Variants in PSMA1 observed in about 807,000 individuals in gnomAD.
The protein encoded by PSMA1 is proteasome 20S subunit alpha 1.
PSMA1 carries 3 observed loss-of-function variants against 38.4 expected under a neutral mutation model. That is an observed-to-expected ratio of 0.08 (90% confidence interval 0.04 to 0.20). PSMA1 has a LOEUF of 0.20. Among genes scored for constraint, PSMA1 ranks in the 10% least tolerant of loss-of-function variants. The pLI, the probability that PSMA1 is intolerant of heterozygous loss-of-function variation, is 1.00. For missense variants in PSMA1, 227 were observed against 325.3 expected (o/e 0.70, Z 2.32); for synonymous variants, 101 against 107.1 (o/e 0.94, Z 0.35).
chr11:14,587,468 C>T (rs1203057872), intron 2 of PSMA1, among the ~76,000 whole-genome samples: 1 of 152,202 alleles, frequency 6.6e-6, no homozygotes, highest in Non-Finnish European at 1.5e-5. Flanking sequence ...AGAATAACTT[C>T]CCAATTTTGC....
intron 2 of PSMA1, among the ~76,000 whole-genome samples, chr11:14,580,799 A>G (rs548135493): frequency 8.9e-4 from 136 of 152,220 alleles, no homozygotes; most frequent in African/African-American, 3.2e-3. Context: ...AAGAAGAGGG[A>G]ATTGTAGGAA....
chr11:14,547,050 C>G (rs1336734893), intron 2 of PSMA1, among the ~76,000 whole-genome samples: 1 of 152,108 alleles, frequency 6.6e-6, no homozygotes, highest in Non-Finnish European at 1.5e-5. Flanking sequence ...GAAATGACAA[C>G]AAATATCAGA....
chr11:14,633,092 A>G (rs866551698), intron 1 of PSMA1, among the ~76,000 whole-genome samples: 2,571 of 141,404 alleles, frequency 0.018, 47 homozygotes, highest in African/African-American at 0.063. Flanking sequence ...ATGTCCTCCC[A>G]TAGCTCAGAG....
intron 2 of PSMA1, among the ~76,000 whole-genome samples, chr11:14,591,224 G>A (rs577772873): frequency 2.0e-5 from 3 of 152,360 alleles, no homozygotes; most frequent in South Asian, 4.1e-4. Flanking sequence ...TGCAGAGGGT[G>A]TACTCTGGGT....
intron 2 of PSMA1, among the ~76,000 whole-genome samples, chr11:14,549,076 T>C (rs1477990537): frequency 6.6e-6 from 1 of 152,106 alleles, no homozygotes; most frequent in African/African-American, 2.4e-5. Flanking sequence ...TCTTTTCAGG[T>C]AGACTCATGA....
chr11:14,546,177 T>C (rs1474778800), intron 2 of PSMA1, among the ~76,000 whole-genome samples: 1 of 151,336 alleles, frequency 6.6e-6, no homozygotes, highest in Non-Finnish European at 1.5e-5. Flanking sequence ...TAAAGGGGAT[T>C]AGGTGGAAGA....
chr11:14,571,470 T>C (rs1257182433), intron 2 of PSMA1, among the ~76,000 whole-genome samples: 2 of 151,904 alleles, frequency 1.3e-5, no homozygotes, highest in African/African-American at 4.8e-5. Flanking sequence ...TGCAGAGAGA[T>C]TTTGTCGTCA....
chr11:14,506,635 C>G (rs1200120334), intron 9 of PSMA1, among the ~76,000 whole-genome samples: 1 of 152,152 alleles, frequency 6.6e-6, no homozygotes, highest in African/African-American at 2.4e-5. Context: ...TATGAAGAGC[C>G]ATCTTAGTGT....
chr11:14,633,343 C>T (rs1483867189), intron 1 of PSMA1, among the ~76,000 whole-genome samples: 9 of 151,788 alleles, frequency 5.9e-5, no homozygotes, highest in South Asian at 2.1e-4. Flanking sequence ...TGTTTGTTAG[C>T]TTTCCTTCTA....
intron 2 of PSMA1, among the ~76,000 whole-genome samples, chr11:14,593,963 C>T (rs1423235852): frequency 2.6e-5 from 4 of 152,302 alleles, no homozygotes; most frequent in Middle Eastern, 3.4e-3. Context: ...GAATAGGTTG[C>T]CTTACGCAGT....
intron 2 of PSMA1, among the ~76,000 whole-genome samples, chr11:14,584,506 T>C (rs924030592): frequency 6.7e-6 from 1 of 148,812 alleles, no homozygotes; most frequent in African/African-American, 2.5e-5. Flanking sequence ...TTTTGTTTTT[T>C]GTTTTTTTTT....
intron 2 of PSMA1, among the ~76,000 whole-genome samples, chr11:14,555,431 C>A (rs1312624543): frequency 6.6e-6 from 1 of 151,860 alleles, no homozygotes; most frequent in Non-Finnish European, 1.5e-5. Context: ...TAGAAACATA[C>A]AAGAATTCTT....
At chr11:14,548,455 C>T (rs1589989578) in intron 2 of PSMA1, among the ~76,000 whole-genome samples, 1 of 152,126 alleles carries the variant, frequency 6.6e-6, no homozygotes, top group South Asian at 2.1e-4. Context: ...CTTTTACATA[C>T]ATATGTATGT....
chr11:14,544,704 T>C (rs1352180094), intron 2 of PSMA1, among the ~76,000 whole-genome samples: 1 of 152,114 alleles, frequency 6.6e-6, no homozygotes, highest in African/African-American at 2.4e-5. Flanking sequence ...TATTGAGAAA[T>C]TGAAACCCTC....
At chr11:14,600,541 C>A (rs542646670) in intron 2 of PSMA1, among the ~76,000 whole-genome samples, 10 of 152,190 alleles carry the variant, frequency 6.6e-5, no homozygotes, top group Non-Finnish European at 1.3e-4. Context: ...GGTGTGGGAG[C>A]CGCCGAGCCA....
At chr11:14,537,544 G>A (rs1851722833) in intron 2 of PSMA1, among the ~76,000 whole-genome samples, 1 of 150,386 alleles carries the variant, frequency 6.6e-6, no homozygotes, top group South Asian at 2.1e-4. Flanking sequence ...CTTCCCTGCA[G>A]GGTTTTTTTT....
At chr11:14,613,869 GT>G (rs1225104731) in intron 1 of PSMA1, among the ~76,000 whole-genome samples, 1 of 152,114 alleles carries the variant, frequency 6.6e-6, no homozygotes, top group African/African-American at 2.4e-5. Context: ...CTTGATTACA[GT>G]TTTTCATACA....
rs138234998 is a variant in PSMA1, at chr11:14,526,043, C to T, written c.22-7002G>A. 2.6e-3 allele frequency among the ~76,000 whole-genome samples: 397 copies of T among 152,244 alleles called. 13 individuals are homozygous for T. In the East Asian group the frequency reaches 0.064, roughly 24 times the overall value. On this transcript the variant is annotated intron_variant, in intron 2 of 10. Coordinates refer to the PSMA1 transcript ENST00000418988. ...CCAAAGCTCAAATTTCTTCTCCATC[C>T]GTTACCTACCTCAGCATAACTCTTC... is the stretch of plus-strand genomic sequence containing the variant.
At chr11:14,532,343 G>A (rs1255853736) in intron 2 of PSMA1, among the ~76,000 whole-genome samples, 5 of 152,156 alleles carry the variant, frequency 3.3e-5, no homozygotes, top group East Asian at 1.9e-4. Context: ...GGTGGCTCAC[G>A]CCTGTAATCC....
Sources: allele counts gnomAD v4.1 joint callset (sites outside exome capture counted in the v4.1 genomes callset), GRCh38; gene constraint gnomAD v4.1.1; transcripts MANE v1.5; gene names NCBI Gene and HGNC (gene_info 2026-07-23, HGNC 2026-07-21).